CTDSPL2: variants seen among roughly 807,000 people sequenced by gnomAD.
CTDSPL2 encodes CTD small phosphatase like 2.
A neutral mutation model predicts 60.0 loss-of-function variants in CTDSPL2; 5 were observed. The observed-to-expected ratio is 0.08, with a 90% CI of 0.04 to 0.18. The LOEUF (loss-of-function observed/expected upper bound fraction) is 0.18. CTDSPL2 is among the 10% of genes least tolerant of loss of function. The pLI is 1.00. For synonymous variants in CTDSPL2, 186 were observed against 189.3 expected (o/e 0.98, Z 0.14); for missense variants, 370 against 548.8 (o/e 0.67, Z 3.26).
At chr15:44,428,754 G>A (rs2079798130) in intron 1 of CTDSPL2, among the ~76,000 whole-genome samples, 1 of 152,180 alleles carries the variant, frequency 6.6e-6, no homozygotes, top group African/African-American at 2.4e-5. Context: ...TTTTCAAATT[G>A]TAGATTGCTT....
intron 2 of CTDSPL2, among the ~76,000 whole-genome samples, chr15:44,478,301 A>C (rs562829190): frequency 6.6e-6 from 1 of 150,960 alleles, no homozygotes; most frequent in Non-Finnish European, 1.5e-5. Flanking sequence ...AAAATACAAA[A>C]ATTTCCTCAG....
At chr15:44,489,622 T>C (rs1166725694) in intron 4 of CTDSPL2, among the ~76,000 whole-genome samples, 1 of 152,086 alleles carries the variant, frequency 6.6e-6, no homozygotes, top group Admixed American at 6.6e-5. Flanking sequence ...GCAGTATGAG[T>C]GAAGGTGGTT....
chr15:44,446,456 C>T (rs537076719), intron 1 of CTDSPL2, among the ~76,000 whole-genome samples: 5 of 152,048 alleles, frequency 3.3e-5, no homozygotes, highest in South Asian at 4.1e-4. Context: ...GGCAAAACCC[C>T]GTCTCTACTA....
chr15:44,495,396 C>T (rs565635783), intron 5 of CTDSPL2, among the ~76,000 whole-genome samples: 1 of 151,902 alleles, frequency 6.6e-6, no homozygotes, highest in East Asian at 2.0e-4. Context: ...TCCTAGCTAA[C>T]ACTGTGAAAC....
At chr15:44,433,970 A>G (rs1481592373) in intron 1 of CTDSPL2, among the ~76,000 whole-genome samples, 1 of 150,784 alleles carries the variant, frequency 6.6e-6, no homozygotes, top group Admixed American at 6.6e-5. Context: ...AAAAAAAATC[A>G]GTGTATATTT....
chr15:44,516,681 C>T (rs1296385437), intron 10 of CTDSPL2: 1 of 152,166 alleles, frequency 6.6e-6, no homozygotes, highest in African/African-American at 2.4e-5. Context: ...TTGGAGCTTT[C>T]ATTTACTAAT....
At chr15:44,457,777 A>G (rs1170908923) in intron 1 of CTDSPL2, among the ~76,000 whole-genome samples, 2 of 151,904 alleles carry the variant, frequency 1.3e-5, no homozygotes, top group African/African-American at 4.8e-5. Context: ...ACGCCCACCT[A>G]ATTTTTGTAT....
Position 44,482,832 on chromosome 15 carries a change from G to C in CTDSPL2, c.187-1392G>C, listed in dbSNP as rs2081051866. On this transcript the variant is annotated intron_variant, in intron 2 of 12. Transcript: ENST00000260327. Reference sequence around the variant, plus strand: ...AAAACATTAAATACAAAAAAGTAGAGATGAGAATGTTGATTATATGTATCA... The same window carrying C: ...AAAACATTAAATACAAAAAAGTAGACATGAGAATGTTGATTATATGTATCA... Among the ~76,000 whole-genome samples, 2 of 152,174 alleles carry C rather than the reference G, an allele frequency of 1.3e-5. 1 individual carries two copies. The highest frequency in any genetic ancestry group is 4.1e-4 in the South Asian group (2 of 4,830).
chr15:44,444,780 A>G (rs973657097), intron 1 of CTDSPL2, among the ~76,000 whole-genome samples: 12 of 143,018 alleles, frequency 8.4e-5, no homozygotes, highest in Admixed American at 5.7e-4. Context: ...CCAGTACCAG[A>G]TATCTATAAC....
chr15:44,489,522 G>C (rs1285171319), intron 4 of CTDSPL2, among the ~76,000 whole-genome samples: 3 of 152,142 alleles, frequency 2.0e-5, no homozygotes, highest in Non-Finnish European at 4.4e-5. Context: ...TGTGCTAAGT[G>C]GTTAATACAG....
intron 2 of CTDSPL2, among the ~76,000 whole-genome samples, chr15:44,473,510 T>A (rs1157363786): frequency 2.0e-5 from 3 of 151,480 alleles, no homozygotes; most frequent in Non-Finnish European, 4.4e-5. Flanking sequence ...TTAGTCAGAA[T>A]GGTCTCGATC....
At chr15:44,523,343 C>T in intron 12 of CTDSPL2, among the ~76,000 whole-genome samples, 1 of 151,962 alleles carries the variant, frequency 6.6e-6, no homozygotes, top group East Asian at 1.9e-4. Context: ...TTGCTTGAGG[C>T]CAGGAGTTTG....
chr15:44,465,940 C>A (rs2140722080), intron 2 of CTDSPL2, among the ~76,000 whole-genome samples: 1 of 131,938 alleles, frequency 7.6e-6, no homozygotes, highest in Admixed American at 7.7e-5. Context: ...GTCTTGAACT[C>A]TTTTTTTTTT....
rs146401104 is a variant in CTDSPL2, at chr15:44,510,235, C to T, written c.970-4363C>T. 8.3e-3 allele frequency among the ~76,000 whole-genome samples: 1,263 copies of T among 152,104 alleles called. 5 individuals carry two copies. The highest frequency in any genetic ancestry group is 0.037 in the Middle Eastern group (11 of 294). Reference sequence around the variant, plus strand: ...CTGGTCTCAAACTCCTGACCTCAGGCGATCCACTCGTCTTGGCCTCCCAAA... The same window carrying T: ...CTGGTCTCAAACTCCTGACCTCAGGTGATCCACTCGTCTTGGCCTCCCAAA... On this transcript the variant is annotated intron_variant, in intron 8 of 12. Transcript: ENST00000260327.
chr15:44,512,012 T>C (rs1490262807), intron 8 of CTDSPL2, among the ~76,000 whole-genome samples: 41 of 151,406 alleles, frequency 2.7e-4, no homozygotes, highest in Admixed American at 2.6e-3. Flanking sequence ...CATAGTGAGA[T>C]AGTGAGAGCC....
chr15:44,476,858 T>C (rs1313340221), intron 2 of CTDSPL2, among the ~76,000 whole-genome samples: 1 of 152,164 alleles, frequency 6.6e-6, no homozygotes, highest in Admixed American at 6.5e-5. Flanking sequence ...AAATAATAAT[T>C]TACTAAATCA....
chr15:44,455,673 G>C (rs1392764727), intron 1 of CTDSPL2, among the ~76,000 whole-genome samples: 2 of 152,048 alleles, frequency 1.3e-5, no homozygotes, highest in African/African-American at 2.4e-5. Context: ...CATCTATTGA[G>C]ATAATCATGT....
Position 44,486,773 on chromosome 15 carries a change from T to C in CTDSPL2, c.475+73T>C, listed in dbSNP as rs2081127587. 8.3e-6 allele frequency: 10 copies of C among 1,202,596 alleles called. No homozygotes were observed. In the South Asian group the frequency reaches 8.9e-5, roughly 11 times the overall value. The allele number at this position is 1,202,596 out of a possible 1,614,324, so 74.5% of individuals were successfully genotyped here. ...CATAGTTTGGGTTTTTTTTTTTTTTTTTTCTTGAGACGAAGTCTCTCTTTG... is the reference window on the plus strand; with the variant it reads ...CATAGTTTGGGTTTTTTTTTTTTTTCTTTCTTGAGACGAAGTCTCTCTTTG... On this transcript the variant is annotated intron_variant, in intron 4 of 12. Transcript: ENST00000260327.
intron 1 of CTDSPL2, among the ~76,000 whole-genome samples, chr15:44,431,274 C>G (rs2079851865): frequency 6.6e-6 from 1 of 152,142 alleles, no homozygotes; most frequent in Non-Finnish European, 1.5e-5. Flanking sequence ...TGATGAGGAG[C>G]CTTGACAGAT....
Sources: gnomAD v4.1 joint callset for allele counts (sites outside exome capture counted in the v4.1 genomes callset) on GRCh38, gnomAD v4.1.1 for gene constraint, MANE v1.5 for transcripts, NCBI Gene and HGNC (gene_info 2026-07-23, HGNC 2026-07-21) for gene names.